RALGDS: variants seen among roughly 807,000 people sequenced by gnomAD.
The protein encoded by RALGDS is ral guanine nucleotide exchange factor.
A neutral mutation model predicts 99.8 loss-of-function variants in RALGDS; 44 were observed. That is an observed-to-expected ratio of 0.44 (90% CI 0.35 to 0.57). The LOEUF (loss-of-function observed/expected upper bound fraction) is 0.57. Ranked by LOEUF, RALGDS falls within the 20% of genes least tolerant of loss-of-function variation. RALGDS has a pLI of 0.01. For synonymous variants in RALGDS, 529 were observed against 505.0 expected, an observed-to-expected ratio of 1.05 and a Z score of -0.64; for missense variants, 1,022 against 1,203.1, an observed-to-expected ratio of 0.85 and a Z score of 2.23.
At position 133,129,318 on chromosome 9, in the gene RALGDS, T is replaced by C. The variant is rs773245312; in HGVS notation, c.132+1634A>G. On this transcript the variant is annotated intron_variant, in intron 1 of 17. Transcript: ENST00000372062. ...CAAACCTGGCCTGCTTCCCGGGCCA[T>C]GGTGGGGCGAGAGCCAGGTGGGGAG... The C allele has an allele frequency of 1.6e-5, 25 of 1,579,772 alleles. No individual in the cohort carries two copies. In the South Asian group the frequency reaches 2.0e-4, roughly 13 times the overall value.
At chr9:133,128,934 G>A (rs909774600) in intron 1 of RALGDS, among the ~76,000 whole-genome samples, 1 of 152,176 alleles carries the variant, frequency 6.6e-6, no homozygotes, top group African/African-American at 2.4e-5. Flanking sequence ...GTGTGCACAC[G>A]GGCACCAGCA....
At chr9:133,106,779 G>A in intron 7 of RALGDS, 31 bp from the exon 8 acceptor site, 1 of 1,522,852 alleles carries the variant, frequency 6.6e-7, no homozygotes, top group Non-Finnish European at 9.1e-7. Context: ...GGCATGAGGT[G>A]GGGCTGGAGC....
rs143226080 is a variant in RALGDS at position 133,116,636 on chromosome 9, G to A, written c.183+4336C>T. The stretch of plus-strand genomic sequence containing the variant: ...AGGAAGGTGGGCTGGTCCCAAGGGG[G>A]TGCAGGGCAGCCCCAACTTTAACCA... On this transcript the variant is annotated intron_variant, in intron 1 of 17. Transcript: ENST00000372050. Among the ~76,000 whole-genome samples, 305 of 152,380 alleles carry A rather than the reference G, an allele frequency of 2.0e-3. 2 individuals carry two copies. The highest frequency in any genetic ancestry group is 6.8e-3 in the African/African-American group (281 of 41,598).
At chr9:133,130,634 T>C (rs1832308022) in intron 1 of RALGDS, among the ~76,000 whole-genome samples, 3 of 152,202 alleles carry the variant, frequency 2.0e-5, no homozygotes, top group Admixed American at 2.0e-4. Context: ...ACTGGAGTTG[T>C]AAACAACCAC....
chr9:133,107,397 G>A (rs1336071428), intron 6 of RALGDS, 97 bp from the exon 7 acceptor site: 2 of 1,135,480 alleles, frequency 1.8e-6, no homozygotes, highest in Non-Finnish European at 2.6e-6. Context: ...GGGGATCTCT[G>A]GGTTTTATCC....
Position 133,131,099 on chromosome 9 carries a change from G to A in RALGDS, c.-16C>T, listed in dbSNP as rs375083626. 752 of 1,461,984 alleles carry A rather than the reference G, an allele frequency of 5.1e-4. 6 individuals carry two copies. The Middle Eastern group carries it at 9.4e-3, about 18-fold the overall frequency. The allele number at this position is 1,461,984 out of a possible 1,614,324, so 90.6% of individuals were successfully genotyped here. A position where few individuals can be genotyped will look rare whatever the true frequency, so the allele number is the denominator to read the frequency against. ...ACAGGCACATCAGGCCCTGGGGCCC[G>A]GCTTCCCGCCCAGACACTGCCCCAG... On this transcript the variant is annotated 5_prime_UTR_variant, in exon 1 of 18. Transcript: ENST00000372062.
At chr9:133,149,024 G>A in exon 1 of RALGDS, 15 of 1,524,936 alleles carry the variant, frequency 9.8e-6, no homozygotes, top group Non-Finnish European at 1.3e-5. Flanking sequence ...GCGGGACCCG[G>A]GGCTCGCAGA....
chr9:133,133,288 G>A (rs1159156968), upstream of RALGDS, among the ~76,000 whole-genome samples: 1 of 152,186 alleles, frequency 6.6e-6, no homozygotes, highest in Non-Finnish European at 1.5e-5. Context: ...AGGCCATCGA[G>A]GGACTGCTGA....
chr9:133,108,374 G>A lies in RALGDS; in HGVS notation c.811C>T (p.Pro271Ser), dbSNP rs1457955192. ...GGTGTTAGAGCTAGCTCGAGCTCTG[G>A]AGTTGGTTTTAGAGCTGGCACTGGT... ...LSPVPALKPT[P>S]ELELALTPAR... is the part of the protein sequence containing the mutation. Residue 271 changes from proline to serine, a missense_variant, in exon 6 of 18, where the codon CCA (proline) becomes TCA (serine). Transcript: ENST00000372050. 5 of 1,537,546 alleles carry A rather than the reference G, an allele frequency of 3.3e-6. No individual in the cohort carries two copies. The highest frequency in any genetic ancestry group is 4.4e-6 in the Non-Finnish European group (5 of 1,146,922).
chr9:133,121,225 G>C lies in RALGDS; in HGVS notation c.-71C>G. The C allele has an allele frequency of 1.0e-6, 1 of 988,336 alleles. No homozygotes were observed. The highest frequency in any genetic ancestry group is 1.2e-6 in the Non-Finnish European group (1 of 833,518). The allele number at this position is 988,336 out of a possible 1,614,324, so 61.2% of individuals were successfully genotyped here. Reference sequence around the variant, plus strand: ...GGGCGGCGGCGCGGCCCGCGCGGCTGGGCTTTGCCACCGCTGTGAGCCCGC... The same window carrying C: ...GGGCGGCGGCGCGGCCCGCGCGGCTCGGCTTTGCCACCGCTGTGAGCCCGC... On this transcript the variant is annotated 5_prime_UTR_variant, in exon 1 of 18. Transcript: ENST00000372050.
intron 1 of RALGDS, among the ~76,000 whole-genome samples, chr9:133,126,818 C>T (rs1832177098): frequency 6.6e-6 from 1 of 152,208 alleles, no homozygotes; most frequent in African/African-American, 2.4e-5. Context: ...AGGCGAGGAG[C>T]GATTCCTTGG....
rs774776739 is a variant in RALGDS, at chr9:133,108,825, G to A, written c.626C>T (p.Ser209Leu). 19 of 1,613,118 alleles carry A rather than the reference G, an allele frequency of 1.2e-5. No homozygotes were observed. The Admixed American group carries it at 2.2e-4, about 18-fold the overall frequency. The change falls in exon 5 of 18, where the codon TCG becomes TTG. Residue 209 changes from serine to leucine, a missense_variant. Coordinates refer to ENST00000372050, the MANE Select transcript of RALGDS (RefSeq NM_006266.4). Reference sequence around the variant, plus strand: ...GTCCGGAGGTTGACAGAAATCCTCCGAGTACTGGTCCAGCCAGGTGCCCAG... The same window carrying A: ...GTCCGGAGGTTGACAGAAATCCTCCAAGTACTGGTCCAGCCAGGTGCCCAG... ...SILGTWLDQY[S>L]EDFCQPPDFP...
At chr9:133,105,776 G>A (rs1830989055) in intron 9 of RALGDS, among the ~76,000 whole-genome samples, 156 bp downstream of exon 9, 1 of 151,688 alleles carries the variant, frequency 6.6e-6, no homozygotes, top group Non-Finnish European at 1.5e-5. Flanking sequence ...CACGCACACG[G>A]GAAAGGAACT....
intron 1 of RALGDS, among the ~76,000 whole-genome samples, chr9:133,128,015 C>T (rs75336664): frequency 0.036 from 5,462 of 152,266 alleles, 328 homozygotes; most frequent in African/African-American, 0.13. Flanking sequence ...GGTACACCCC[C>T]GGCATATTGA....
upstream of RALGDS, among the ~76,000 whole-genome samples, chr9:133,124,771 GCCT>G (rs1214816167): frequency 6.6e-6 from 1 of 152,248 alleles, no homozygotes; most frequent in African/African-American, 2.4e-5. Context: ...CTCTCCTGAG[GCCT>G]CCTGTAAGCT....
intron 1 of RALGDS, among the ~76,000 whole-genome samples, chr9:133,128,717 C>T (rs1482390553): frequency 2.0e-5 from 3 of 152,188 alleles, no homozygotes. Flanking sequence ...TTAGTTTCAC[C>T]TCCTGGGGCC....
chr9:133,098,355 AG>A lies in RALGDS; in HGVS notation c.*231del, dbSNP rs1830594273. On this transcript the variant is annotated 3_prime_UTR_variant, in exon 18 of 18. Transcript: ENST00000372050. ...CACTGCTCCTTGGCAAAAGTCAGCT[AG>A]TCCTCTGGTTCCAGAGAGCAGAAGG... The A allele has an allele frequency of 1.2e-5, 7 of 568,332 alleles. No individual in the cohort carries two copies. Among genetic ancestry groups the A allele is most frequent in the Non-Finnish European group, 1.3e-5 (4 of 316,762 alleles). The allele number at this position is 568,332 out of a possible 1,614,324, so 35.2% of individuals were successfully genotyped here. A position where few individuals can be genotyped will look rare whatever the true frequency, so the allele number is the denominator to read the frequency against.
intron 1 of RALGDS, among the ~76,000 whole-genome samples, chr9:133,129,595 G>A (rs1832271845): frequency 6.6e-6 from 1 of 152,132 alleles, no homozygotes; most frequent in East Asian, 1.9e-4. Flanking sequence ...TGTGTCGGGG[G>A]CCTGGAAACC....
chr9:133,098,603 G>C lies in RALGDS; in HGVS notation c.2729C>G (p.Ala910Gly). ...AGGATGCCCTCAGAAGATGCCCTTG[G>C]CAATCTTGAGTCCTTTCTGCTTCAT... ...PRMKQKGLKI[A>G]KGIF The change falls in exon 18 of 18, where the codon GCC becomes GGC. Residue 910 changes from alanine to glycine, a missense_variant. This residue lies in a region of RALGDS where 825 missense variants were observed against 994.5 expected (regional missense o/e 0.83). Coordinates refer to ENST00000372050, the MANE Select transcript of RALGDS (RefSeq NM_006266.4). 6.2e-7 allele frequency: 1 copy of C among 1,614,146 alleles called. No homozygotes were observed. The highest frequency in any genetic ancestry group is 8.5e-7 in the Non-Finnish European group (1 of 1,180,022).
Sources: allele counts gnomAD v4.1 joint callset (sites outside exome capture counted in the v4.1 genomes callset), GRCh38; gene constraint gnomAD v4.1.1; regional missense constraint gnomAD v4.1.1; transcripts MANE v1.5; gene names NCBI Gene and HGNC (gene_info 2026-07-23, HGNC 2026-07-21).